Variants in VCPIP1 observed in about 807,000 individuals in gnomAD.
VCPIP1 encodes valosin containing protein interacting protein 1.
In VCPIP1, 8 loss-of-function variants were observed where a neutral mutation model predicts 85.0. The ratio of observed to expected loss-of-function variants is 0.09; its 90% confidence interval spans 0.06 to 0.17. VCPIP1 has a LOEUF of 0.17. VCPIP1 is among the 10% of genes least tolerant of loss of function. The probability of loss-of-function intolerance (pLI) is 1.00; values close to 1 mark genes in which losing one functional copy is unlikely to be tolerated. For synonymous variants in VCPIP1, 543 were observed against 544.5 expected, an observed-to-expected ratio of 1.00 and a Z score of 0.04; for missense variants, 1,070 against 1,486.3, an observed-to-expected ratio of 0.72 and a Z score of 4.61.
chr8:66,662,381 A>G (rs1385017628), intron 1 of VCPIP1, among the ~76,000 whole-genome samples: 1 of 152,214 alleles, frequency 6.6e-6, no homozygotes, highest in Non-Finnish European at 1.5e-5. Context: ...TCCTTTGTAC[A>G]GCAGTATATG....
At chr8:66,641,592 G>A (rs1226996270) in intron 2 of VCPIP1, among the ~76,000 whole-genome samples, 9 of 152,146 alleles carry the variant, frequency 5.9e-5, no homozygotes, top group Non-Finnish European at 1.3e-4. Context: ...AAGAAACCCT[G>A]AACCTTAGCA....
At position 66,665,479 on chromosome 8, in the gene VCPIP1, G is replaced by C; in HGVS notation, c.1480C>G (p.Leu494Val). The C allele has an allele frequency of 6.2e-7, 1 of 1,614,168 alleles. No homozygotes were observed. The highest frequency in any genetic ancestry group is 8.5e-7 in the Non-Finnish European group (1 of 1,180,012). The change falls in exon 1 of 3, where the codon CTG becomes GTG. Residue 494 changes from leucine (L) to valine (V), a missense_variant. Leu to Val is a conservative substitution (Grantham distance 32). This residue lies in a region of VCPIP1 where 83 missense variants were observed against 134.6 expected (regional missense o/e 0.62). Coordinates refer to ENST00000310421, the MANE Select transcript of VCPIP1 (RefSeq NM_025054.5). The surrounding 1 kb of genome is among the most constrained non-coding windows in gnomAD (Gnocchi z 4.3). The stretch of plus-strand genomic sequence containing the variant: ...AGCTGTCCATGAGTACTTTTTGCCA[G>C]GTTATACAATTTCCCTCCAGGAGCC... Reference protein sequence around the residue: ...WLAPGGKLYNLAKSTHGQLRT... With the variant: ...WLAPGGKLYNVAKSTHGQLRT...
intron 1 of VCPIP1, among the ~76,000 whole-genome samples, chr8:66,661,782 G>A (rs372183433): frequency 8.6e-6 from 1 of 116,190 alleles, no homozygotes; most frequent in African/African-American, 3.2e-5. Context: ...TTTTTTTTTT[G>A]AGATACAGTC....
Position 66,666,965 on chromosome 8 carries a change from T to G in VCPIP1, c.-7A>C. 2 of 1,545,448 alleles carry G rather than the reference T, an allele frequency of 1.3e-6. No homozygotes were observed. The highest frequency in any genetic ancestry group is 1.7e-6 in the Non-Finnish European group (2 of 1,153,308). On this transcript the variant is annotated 5_prime_UTR_variant, in exon 1 of 3. Coordinates refer to ENST00000310421, the MANE Select transcript of VCPIP1 (RefSeq NM_025054.5). The surrounding 1 kb of genome is among the most constrained non-coding windows in gnomAD (Gnocchi z 6.3). ...GCGGCGGCGGCTGAGACATAGCTCC[T>G]GGCTCTCGTGTCTCGCTCCGCGTCC...
chr8:66,649,809 A>T (rs1811034808), intron 2 of VCPIP1, among the ~76,000 whole-genome samples: 1 of 152,194 alleles, frequency 6.6e-6, no homozygotes, highest in Non-Finnish European at 1.5e-5. Flanking sequence ...CAAAATTCAT[A>T]TACAGTATAC....
Position 66,664,960 on chromosome 8 carries a change from T to A in VCPIP1, c.1999A>T (p.Asn667Tyr). 5.6e-6 allele frequency: 9 copies of A among 1,614,034 alleles called. No individual in the cohort carries two copies. Among genetic ancestry groups the A allele is most frequent in the Non-Finnish European group, 7.6e-6 (9 of 1,179,968 alleles). ...KKNPDDYTPV[N>Y]IDGAHAQRVG... is the part of the protein sequence containing the mutation. Reference sequence around the variant, plus strand: ...CTTTGGGCGTGAGCACCATCTATATTTACAGGAGTATAATCATCGGGATTC... The same window carrying A: ...CTTTGGGCGTGAGCACCATCTATATATACAGGAGTATAATCATCGGGATTC... Residue 667 changes from asparagine (N) to tyrosine (Y), a missense_variant, in exon 1 of 3, where the codon AAT (asparagine) becomes TAT (tyrosine). Physicochemically the swap from Asn to Tyr is moderately radical, Grantham distance 143 (BLOSUM62 -2). Around this residue, in one of 8 missense-constraint regions of VCPIP1, gnomAD observed 278 missense variants for 298.5 expected, o/e 0.93. Transcript: ENST00000310421.
At chr8:66,640,389 T>C (rs1204164453) in intron 2 of VCPIP1, among the ~76,000 whole-genome samples, 1 of 152,180 alleles carries the variant, frequency 6.6e-6, no homozygotes, top group African/African-American at 2.4e-5. Context: ...AACTGACACT[T>C]AGAAGTCAGA....
At chr8:66,635,731 G>T (rs542370084) in intron 2 of VCPIP1, among the ~76,000 whole-genome samples, 12 of 149,762 alleles carry the variant, frequency 8.0e-5, no homozygotes, top group South Asian at 6.4e-4. Flanking sequence ...GGCCAACGTG[G>T]TGAAACCCCA....
chr8:66,666,865 C>G lies in VCPIP1; in HGVS notation c.94G>C (p.Ala32Pro). 6.2e-7 allele frequency: 1 copy of G among 1,613,010 alleles called. No individual in the cohort carries two copies. Reference sequence around the variant, plus strand: ...CTCCGCTTCAAAAGCCCCCCCGAAGCAGCCGCCGACGCCAAGGACGACGGA... The same window carrying G: ...CTCCGCTTCAAAAGCCCCCCCGAAGGAGCCGCCGACGCCAAGGACGACGGA... ...QTPSSLASAA[A>P]SGGLLKRRDR... is the part of the protein sequence containing the mutation. The change falls in exon 1 of 3, where the codon GCT becomes CCT. Residue 32 changes from alanine (A) to proline (P), a missense_variant. Physicochemically the swap from Ala to Pro is conservative, Grantham distance 27. This residue lies in a region of VCPIP1 where 164 missense variants were observed against 158.6 expected (regional missense o/e 1.03). Transcript: ENST00000310421. This position sits in a 1 kb window ranked among gnomAD's most constrained non-coding sequence, Gnocchi z 6.3.
Position 66,632,080 on chromosome 8 carries a change from A to C in VCPIP1, c.*2421T>G, listed in dbSNP as rs1434046822. Reference sequence around the variant, plus strand: ...ACCTCTAGGGCTAAAAAAAAAAAAAAAAACAAATTTACCTGAGATGTCTAG... The same window carrying C: ...ACCTCTAGGGCTAAAAAAAAAAAAACAAACAAATTTACCTGAGATGTCTAG... On this transcript the variant is annotated 3_prime_UTR_variant, in exon 3 of 3. Coordinates refer to ENST00000310421, the MANE Select transcript of VCPIP1 (RefSeq NM_025054.5). 1.3e-5 allele frequency: 2 copies of C among 152,018 alleles called. No individual in the cohort carries two copies. Among genetic ancestry groups the C allele is most frequent in the Non-Finnish European group, 2.9e-5 (2 of 67,912 alleles). 9.4% of individuals were successfully genotyped at this position (152,018 alleles called of 1,614,324 possible). A position where few individuals can be genotyped will look rare whatever the true frequency, so the allele number is the denominator to read the frequency against.
Position 66,635,128 on chromosome 8 carries a change from C to A in VCPIP1, c.3042G>T (p.Lys1014Asn). 6.2e-7 allele frequency: 1 copy of A among 1,614,186 alleles called. No individual in the cohort carries two copies. Among genetic ancestry groups the A allele is most frequent in the Non-Finnish European group, 8.5e-7 (1 of 1,180,038 alleles). The change falls in exon 3 of 3, where the codon AAG becomes AAT. Residue 1014 changes from lysine to asparagine, a missense_variant. Physicochemically the swap from Lys to Asn is moderately conservative, Grantham distance 94. This residue lies in a region of VCPIP1 where 255 missense variants were observed against 289.5 expected (regional missense o/e 0.88). Coordinates refer to ENST00000310421, the MANE Select transcript of VCPIP1 (RefSeq NM_025054.5). ...TTACGTTATGAAGTTGCTCAGATTT[C>A]TTTTTCACTACTCCACCACTACCTA... ...LKLGSGGVVK[K>N]KSEQLHNVTA...
At position 66,631,059 on chromosome 8, in the gene VCPIP1, T is replaced by G. The variant is rs879851538; in HGVS notation, c.*3442A>C. 4 of 152,162 alleles carry G rather than the reference T, an allele frequency of 2.6e-5. No individual in the cohort carries two copies. Among genetic ancestry groups the G allele is most frequent in the Non-Finnish European group, 5.9e-5 (4 of 68,002 alleles). The allele number at this position is 152,162 out of a possible 1,614,324, so 9.4% of individuals were successfully genotyped here. ...ATGGCGCTATTATTATTATAAATGG[T>G]GGTTTTTAATTCACATTAAGATAGG... On this transcript the variant is annotated 3_prime_UTR_variant, in exon 3 of 3. Coordinates refer to ENST00000310421, the MANE Select transcript of VCPIP1 (RefSeq NM_025054.5).
intron 2 of VCPIP1, among the ~76,000 whole-genome samples, chr8:66,636,692 C>T (rs1810890729): frequency 1.3e-5 from 2 of 151,578 alleles, no homozygotes; most frequent in Admixed American, 1.3e-4. Context: ...TGTGCTGAGA[C>T]AAGATTGCAC....
chr8:66,659,196 GA>G (rs1284768910), intron 1 of VCPIP1, among the ~76,000 whole-genome samples: 13 of 146,280 alleles, frequency 8.9e-5, no homozygotes, highest in African/African-American at 3.2e-4. Context: ...TGATCTACAA[GA>G]AATTTTTTTT....
In VCPIP1 at chr8:66,634,366, T is replaced by C; in HGVS notation, c.*135A>G. On this transcript the variant is annotated 3_prime_UTR_variant, in exon 3 of 3. Coordinates refer to ENST00000310421, the MANE Select transcript of VCPIP1 (RefSeq NM_025054.5). The stretch of plus-strand genomic sequence containing the variant: ...ATGGCCAATCACACACTTGCTATCA[T>C]GCACTGAATAACAAGATATAATCTT... 2.9e-6 allele frequency: 3 copies of C among 1,044,842 alleles called. No homozygotes were observed. Among genetic ancestry groups the C allele is most frequent in the South Asian group, 3.4e-5 (2 of 58,844 alleles). The allele number at this position is 1,044,842 out of a possible 1,614,324, so 64.7% of individuals were successfully genotyped here.
At position 66,644,944 on chromosome 8, in the gene VCPIP1, C is replaced by T. The variant is rs7846278; in HGVS notation, c.2797+6514G>A. On this transcript the variant is annotated intron_variant, in intron 2 of 2. Coordinates refer to ENST00000310421, the MANE Select transcript of VCPIP1 (RefSeq NM_025054.5). ...TGAAACCCCGTCTCTACAAAAAATA[C>T]AAAAATTAGCTGGGTGTGGTGGCCC... Among the ~76,000 whole-genome samples, 162 of 147,564 alleles carry T rather than the reference C, an allele frequency of 1.1e-3. 1 individual carries two copies. Among genetic ancestry groups the T allele is most frequent in the African/African-American group, 3.9e-3 (155 of 39,792 alleles).
rs553194655 is a variant in VCPIP1 at position 66,662,358 on chromosome 8, T to G, written c.2710+1891A>C. Among the ~76,000 whole-genome samples the G allele has an allele frequency of 4.1e-4, 62 of 152,318 alleles. No individual in the cohort carries two copies. The South Asian group carries it at 0.011, about 27-fold the overall frequency. On this transcript the variant is annotated intron_variant, in intron 1 of 2. Coordinates refer to ENST00000310421, the MANE Select transcript of VCPIP1 (RefSeq NM_025054.5). ...TACCAGAATTTTCATGAACCCCAGA[T>G]GATGTACCTTTTTCCTTTGTACAGC... is the stretch of plus-strand genomic sequence containing the variant.
At chr8:66,661,407 T>C (rs969023495) in intron 1 of VCPIP1, among the ~76,000 whole-genome samples, 21 of 152,254 alleles carry the variant, frequency 1.4e-4, no homozygotes, top group East Asian at 1.2e-3. Context: ...AAAGTATTTA[T>C]ACACCAGAAT....
In VCPIP1 at chr8:66,667,116, C is replaced by T. The variant is rs1811227432; in HGVS notation, c.-158G>A. 2.9e-6 allele frequency: 4 copies of T among 1,389,568 alleles called. No homozygotes were observed. Among genetic ancestry groups the T allele is most frequent in the Middle Eastern group, 2.7e-4 (1 of 3,766 alleles). The allele number at this position is 1,389,568 out of a possible 1,614,324, so 86.1% of individuals were successfully genotyped here. On this transcript the variant is annotated 5_prime_UTR_variant, in exon 1 of 3. Transcript: ENST00000310421. ...TCCTCCTAAGCGAAGGCGGAAGCGC[C>T]GGACGTTGTTTCTCTTCTTACTTCT... is the stretch of plus-strand genomic sequence containing the variant.
Sources: gnomAD v4.1 joint callset for allele counts (sites outside exome capture counted in the v4.1 genomes callset) on GRCh38, gnomAD v4.1.1 for gene constraint, gnomAD v4.1.1 regional missense constraint, Gnocchi (gnomAD v3.1) non-coding constraint, MANE v1.5 for transcripts, NCBI Gene and HGNC (gene_info 2026-07-23, HGNC 2026-07-21) for gene names.